Variants in CYP4F11 observed in about 807,000 individuals in gnomAD.
CYP4F11 encodes the protein cytochrome P450 4F11.
In CYP4F11, 79 loss-of-function variants were observed where a neutral mutation model predicts 62.2. The observed-to-expected ratio is 1.27, with a 90% CI of 1.06 to 1.53. The LOEUF (loss-of-function observed/expected upper bound fraction) is 1.53. Among genes scored for constraint, CYP4F11 ranks in the 40% most tolerant of loss-of-function variants. The probability of loss-of-function intolerance (pLI) is 0.00; values close to 1 mark genes in which losing one functional copy is unlikely to be tolerated. For missense variants in CYP4F11, 777 were observed against 680.5 expected (o/e 1.14, Z -1.58); for synonymous variants, 290 against 263.7 (o/e 1.10, Z -0.97).
At position 15,924,056 on chromosome 19, in the gene CYP4F11, A is replaced by G. The variant is rs753307555; in HGVS notation, c.674T>C (p.Ile225Thr). The change falls in exon 6 of 12, where the codon ATC (isoleucine) becomes ACC (threonine). Residue 225 changes from isoleucine (I) to threonine (T), a missense_variant. By Grantham distance (89) the Ile-to-Thr change is moderately conservative (BLOSUM62 -1). Transcript: ENST00000402119. ...TTCTACAAAGGCACTGAGCTCCAAGATGGCGGCAATATATTCACTGGGCTT... is the reference window on the plus strand; with the variant it reads ...TTCTACAAAGGCACTGAGCTCCAAGGTGGCGGCAATATATTCACTGGGCTT... ...QEKPSEYIAA[I>T]LELSAFVEKR... 10 of 1,614,090 alleles carry G rather than the reference A, an allele frequency of 6.2e-6. No homozygotes were observed. The highest frequency in any genetic ancestry group is 7.6e-6 in the Non-Finnish European group (9 of 1,179,944).
chr19:15,922,362 A>G lies in CYP4F11; in HGVS notation c.985+2T>C, dbSNP rs866887636. ...ACCGTAGTCCCACACTGAGACCCTC[A>G]CCCTCAAACATGAAGGTGTCAGCTT... On this transcript the variant is annotated splice_donor_variant, in intron 7 of 11. Coordinates refer to ENST00000402119, the MANE Select transcript of CYP4F11 (RefSeq NM_021187.4). LOFTEE classifies it high-confidence loss of function. 6.2e-7 allele frequency: 1 copy of G among 1,614,100 alleles called. No individual in the cohort carries two copies. The highest frequency in any genetic ancestry group is 8.5e-7 in the Non-Finnish European group (1 of 1,180,014).
At chr19:15,915,575 T>C (rs1249748274) in intron 8 of CYP4F11, among the ~76,000 whole-genome samples, 1 of 152,238 alleles carries the variant, frequency 6.6e-6, no homozygotes, top group Non-Finnish European at 1.5e-5. Flanking sequence ...TAAGTTATTA[T>C]TATTTTTATG....
chr19:15,924,327 CT>C (rs1034079999), intron 5 of CYP4F11, among the ~76,000 whole-genome samples: 8 of 152,148 alleles, frequency 5.3e-5, no homozygotes, highest in Admixed American at 3.9e-4. Flanking sequence ...AGCCTGCACT[CT>C]TTTCCTTCCA....
At position 15,929,515 on chromosome 19, in the gene CYP4F11, GGT is replaced by G; in HGVS notation, c.283_284del (p.Thr95LeufsTer10). 6.2e-7 allele frequency: 1 copy of G among 1,606,744 alleles called. No individual in the cohort carries two copies. The highest frequency in any genetic ancestry group is 8.5e-7 in the Non-Finnish European group (1 of 1,173,572). ...GGTGGCATAAAATGAGGAGGGGGAA[GGT>G]AGGACCCAGCCACAACTTAAAGCCC... ...PQGFKLWLGP[T>X]FPLLILCHPD... On this transcript the variant is annotated frameshift_variant, in exon 2 of 12. Transcript: ENST00000402119. LOFTEE classifies it high-confidence loss of function.
rs1240744498 is a variant in CYP4F11, at chr19:15,934,212, A to T, written c.197T>A (p.Leu66Gln). The change falls in exon 1 of 12, where the codon CTG becomes CAG. Residue 66 changes from leucine to glutamine, a missense_variant and splice_region_variant. Coordinates refer to ENST00000402119, the MANE Select transcript of CYP4F11 (RefSeq NM_021187.4). The stretch of plus-strand genomic sequence containing the variant: ...GACCCGTCCTGCTGACAAACTCACC[A>T]GGCCCTGGTGTCCCCAAAACCAGTT... ...KQNWFWGHQG[L>Q]VTPTEEGMKT... 1.2e-6 allele frequency: 2 copies of T among 1,613,064 alleles called. No individual in the cohort carries two copies. The highest frequency in any genetic ancestry group is 4.5e-5 in the East Asian group (2 of 44,868).
At chr19:15,918,126 G>A (rs2089596650) in intron 8 of CYP4F11, among the ~76,000 whole-genome samples, 1 of 152,176 alleles carries the variant, frequency 6.6e-6, no homozygotes, top group African/African-American at 2.4e-5. Context: ...ACAAGATCAT[G>A]TCCTTTGCAG....
At chr19:15,924,611 C>G in intron 5 of CYP4F11, 150 bp downstream of exon 5, 36 of 792,076 alleles carry the variant, frequency 4.5e-5, no homozygotes, top group South Asian at 6.2e-5. Context: ...TCTACTGTCT[C>G]TTTCCCCCTC....
chr19:15,928,263 CTGAGCCCCACACA>C (rs2089685152), intron 2 of CYP4F11, among the ~76,000 whole-genome samples: 1 of 152,192 alleles, frequency 6.6e-6, no homozygotes, highest in Non-Finnish European at 1.5e-5. Flanking sequence ...TCAGCCACAA[CTGAGCCCCACACA>C]TGATGACTTC....
Position 15,914,348 on chromosome 19 carries a change from C to T in CYP4F11, c.1354G>A (p.Glu452Lys). 6.2e-7 allele frequency: 1 copy of T among 1,614,132 alleles called. No individual in the cohort carries two copies. The highest frequency in any genetic ancestry group is 8.5e-7 in the Non-Finnish European group (1 of 1,180,006). ...GGAATAAAAGCCAGAGGTGACCTCT[C>T]CTTGATGTTCTCTTGGTCGAAACGG... is the stretch of plus-strand genomic sequence containing the variant. Reference protein sequence around the residue: ...PFRFDQENIKERSPLAFIPFS... With the variant: ...PFRFDQENIKKRSPLAFIPFS... The change falls in exon 11 of 12, where the codon GAG becomes AAG. Residue 452 changes from glutamate to lysine, a missense_variant. Transcript: ENST00000402119.
intron 4 of CYP4F11, 29 bp from the exon 5 acceptor site, chr19:15,924,911 TG>T: frequency 6.3e-7 from 1 of 1,596,740 alleles, no homozygotes; most frequent in Non-Finnish European, 8.5e-7. Context: ...GAGCCAAAGC[TG>T]GGAACTGCCT....
Position 15,923,885 on chromosome 19 carries a change from C to T in CYP4F11, c.845G>A (p.Gly282Asp). The T allele has an allele frequency of 6.2e-7, 1 of 1,614,154 alleles. No homozygotes were observed. The change falls in exon 6 of 12, where the codon GGT becomes GAT. Residue 282 changes from glycine to aspartate, a missense_variant. Gly to Asp is a moderately conservative substitution (Grantham distance 94, BLOSUM62 -1). Transcript: ENST00000402119. Reference protein sequence around the residue: ...QERRCTLPTQGIDDFLKNKAK... With the variant: ...QERRCTLPTQDIDDFLKNKAK... ...CTTGTTCTTGAGGAAATCATCAATA[C>T]CCTGAGTGGGGAGGGTGCAGCGCCG...
chr19:15,933,973 T>C (rs1197975699), intron 1 of CYP4F11, among the ~76,000 whole-genome samples: 25 of 120,696 alleles, frequency 2.1e-4, no homozygotes, highest in Non-Finnish European at 3.3e-4. Context: ...GGGAGAGGAA[T>C]GAGTGAGCGG....
chr19:15,934,003 G>A (rs1255058427), intron 1 of CYP4F11, among the ~76,000 whole-genome samples: 32 of 103,768 alleles, frequency 3.1e-4, no homozygotes, highest in East Asian at 5.0e-4. Flanking sequence ...TGAGTGAGTG[G>A]GCAGAGGAAT....
chr19:15,934,649 A>C, upstream of CYP4F11: 25 of 448,002 alleles, frequency 5.6e-5, no homozygotes, highest in Non-Finnish European at 7.8e-5. Flanking sequence ...AGAATCCAAA[A>C]AGGCCCAGCC....
intron 4 of CYP4F11, 68 bp from the exon 5 acceptor site, chr19:15,924,950 A>C: frequency 1.3e-6 from 2 of 1,506,774 alleles, no homozygotes; most frequent in Non-Finnish European, 1.8e-6. Flanking sequence ...AGACCCAAAC[A>C]TCAAGATGGA....
rs758679404 is a variant in CYP4F11 at position 15,913,822 on chromosome 19, G to A, written c.1485C>T (p.His495=). The A allele has an allele frequency of 2.5e-6, 4 of 1,614,192 alleles. No homozygotes were observed. In the East Asian group the frequency reaches 8.9e-5, roughly 36 times the overall value. The change falls in exon 12 of 12, where the codon CAC becomes CAT. Residue 495 remains histidine (H), a synonymous_variant. Coordinates refer to ENST00000402119, the MANE Select transcript of CYP4F11 (RefSeq NM_021187.4). ...GCTCGGGTTTCCTGCGGGGTTCAGT[G>A]TGGGTCGGCAGGATGCGGAAGTGCA... ...TLLHFRILPT[H]TEPRRKPELI... is the part of the protein sequence containing the mutation.
rs2089757470 is a variant in CYP4F11 at position 15,934,225 on chromosome 19, C to T, written c.184G>A (p.Gly62Arg). 1.9e-6 allele frequency: 3 copies of T among 1,613,454 alleles called. No homozygotes were observed. The highest frequency in any genetic ancestry group is 2.7e-5 in the African/African-American group (2 of 74,884). ...PQPPKQNWFWGHQGLVTPTEE... is the reference protein window; with the variant it reads ...PQPPKQNWFWRHQGLVTPTEE... The stretch of plus-strand genomic sequence containing the variant: ...GACAAACTCACCAGGCCCTGGTGTC[C>T]CCAAAACCAGTTCTGTTTCGGGGGT... The change falls in exon 1 of 12, where the codon GGA becomes AGA. Residue 62 changes from glycine (G) to arginine (R), a missense_variant. By Grantham distance (125) the Gly-to-Arg change is moderately radical. Transcript: ENST00000402119.
At position 15,929,596 on chromosome 19, in the gene CYP4F11, A is replaced by G; in HGVS notation, c.204T>C (p.Thr68=). 2.5e-6 allele frequency: 4 copies of G among 1,596,724 alleles called. No individual in the cohort carries two copies. Among genetic ancestry groups the G allele is most frequent in the Non-Finnish European group, 3.4e-6 (4 of 1,170,304 alleles). ...NWFWGHQGLV[T]PTEEGMKTLT... is the part of the protein sequence containing the mutation. Reference sequence around the variant, plus strand: ...ATGTCTTCATGCCCTCTTCCGTGGGAGTGACCTGAAAACAAGGCAGAGGCC... The same window carrying G: ...ATGTCTTCATGCCCTCTTCCGTGGGGGTGACCTGAAAACAAGGCAGAGGCC... The change falls in exon 2 of 12, where the codon ACT becomes ACC. Residue 68 remains threonine, a synonymous_variant. Coordinates refer to ENST00000402119, the MANE Select transcript of CYP4F11 (RefSeq NM_021187.4).
rs1064796 is a variant in CYP4F11, at chr19:15,913,852, G to C, written c.1455C>G (p.Thr485=). The change falls in exon 12 of 12, where the codon ACC becomes ACG. Residue 485 remains threonine (T), a synonymous_variant. Transcript: ENST00000402119. ...MAEMKVVLAL[T]LLHFRILPTH... ...TCGGCAGGATGCGGAAGTGCAGCAG[G>C]GTGAGCGCCAGGACCACCTTCATCT... 1,212,849 of 1,613,694 alleles carry C rather than the reference G, an allele frequency of 0.75. 458,914 individuals carry two copies. The highest frequency in any genetic ancestry group is 0.77 in the Non-Finnish European group (909,390 of 1,179,846).
Sources: allele counts gnomAD v4.1 joint callset (sites outside exome capture counted in the v4.1 genomes callset), GRCh38; gene constraint gnomAD v4.1.1; transcripts MANE v1.5; gene names NCBI Gene and HGNC (gene_info 2026-07-23, HGNC 2026-07-21).